Variants in HS2ST1 observed in about 807,000 individuals in gnomAD.
HS2ST1 encodes the protein 2-O-sulfotransferase.
HS2ST1 carries 18 observed loss-of-function variants against 42.9 expected under a neutral mutation model. The observed-to-expected ratio is 0.42, with a 90% CI of 0.29 to 0.62. The LOEUF is 0.62. Among genes scored for constraint, HS2ST1 ranks in the 20% least tolerant of loss-of-function variants. The pLI is 0.21. For missense variants in HS2ST1, 334 were observed against 433.8 expected, an observed-to-expected ratio of 0.77 and a Z score of 2.04; for synonymous variants, 146 against 152.9, an observed-to-expected ratio of 0.95 and a Z score of 0.33.
intron 1 of HS2ST1, among the ~76,000 whole-genome samples, chr1:87,015,172 C>G (rs1381881042): frequency 6.6e-6 from 1 of 152,036 alleles, no homozygotes; most frequent in Non-Finnish European, 1.5e-5. Context: ...CTTCAGCCTC[C>G]CGAGTAGCTG....
At chr1:87,015,976 C>A (rs1315215019) in intron 1 of HS2ST1, among the ~76,000 whole-genome samples, 2 of 151,842 alleles carry the variant, frequency 1.3e-5, no homozygotes, top group Non-Finnish European at 2.9e-5. Flanking sequence ...ACCACCACGC[C>A]CTGATAATTT....
intron 2 of HS2ST1, among the ~76,000 whole-genome samples, chr1:87,082,111 C>T (rs1417937419): frequency 1.3e-5 from 2 of 152,070 alleles, no homozygotes; most frequent in Non-Finnish European, 2.9e-5. Flanking sequence ...TTAGAGGCTA[C>T]TATGAGCAAC....
chr1:86,937,105 CA>C (rs568694968), intron 1 of HS2ST1, among the ~76,000 whole-genome samples: 3 of 146,394 alleles, frequency 2.0e-5, no homozygotes, highest in Admixed American at 6.8e-5. Context: ...ACTCTGTCTC[CA>C]AAAAAAAACA....
At chr1:87,036,740 A>C (rs188910125) in intron 1 of HS2ST1, among the ~76,000 whole-genome samples, 1 of 152,274 alleles carries the variant, frequency 6.6e-6, no homozygotes, top group East Asian at 1.9e-4. Context: ...CAGGATGACA[A>C]TGTCAACATT....
Position 86,976,299 on chromosome 1 carries a change from A to G in HS2ST1, c.124+61139A>G, listed in dbSNP as rs72949800. 2.1e-3 allele frequency among the ~76,000 whole-genome samples: 326 copies of G among 152,344 alleles called. 1 individual carries two copies. The highest frequency in any genetic ancestry group is 7.2e-3 in the African/African-American group (299 of 41,590). ...GTTTAGAATTTTTAAAGTTGTTGCC[A>G]TGGCAAAGTAACTTGCTATTTCATC... is the stretch of plus-strand genomic sequence containing the variant. On this transcript the variant is annotated intron_variant, in intron 1 of 6. Transcript: ENST00000370550.
intron 2 of HS2ST1, among the ~76,000 whole-genome samples, chr1:87,078,636 A>G (rs1283554998): frequency 1.3e-5 from 2 of 152,176 alleles, no homozygotes; most frequent in African/African-American, 4.8e-5. Context: ...TTCAATTGAT[A>G]CTATTAAGTT....
At chr1:87,019,904 A>C (rs979651821) in intron 1 of HS2ST1, among the ~76,000 whole-genome samples, 7 of 152,306 alleles carry the variant, frequency 4.6e-5, no homozygotes, top group African/African-American at 1.4e-4. Context: ...AACAATAAAA[A>C]CTTTTTCTGA....
At chr1:86,981,794 A>G (rs575421707) in intron 1 of HS2ST1, among the ~76,000 whole-genome samples, 1 of 152,262 alleles carries the variant, frequency 6.6e-6, no homozygotes, top group Non-Finnish European at 1.5e-5. Flanking sequence ...AGTGCAAGCT[A>G]TTGGTGGACC....
intron 1 of HS2ST1, among the ~76,000 whole-genome samples, chr1:87,030,709 A>G (rs899097707): frequency 1.3e-5 from 2 of 152,192 alleles, no homozygotes; most frequent in Non-Finnish European, 2.9e-5. Flanking sequence ...GTTTAGCCAT[A>G]TAATGCTTTC....
intron 1 of HS2ST1, among the ~76,000 whole-genome samples, chr1:87,019,198 A>C (rs1312886370): frequency 6.6e-6 from 1 of 152,248 alleles, no homozygotes; most frequent in Non-Finnish European, 1.5e-5. Flanking sequence ...ATCACTGTAT[A>C]GTACTTTGCA....
chr1:86,934,579 T>G (rs1231491819), intron 1 of HS2ST1: 1 of 152,294 alleles, frequency 6.6e-6, no homozygotes, highest in Non-Finnish European at 1.5e-5. Context: ...TCTCTCCAGT[T>G]TTGGGAGCAG....
At chr1:87,039,401 ATCTTT>A (rs1650466763) in intron 1 of HS2ST1, among the ~76,000 whole-genome samples, 1 of 152,152 alleles carries the variant, frequency 6.6e-6, no homozygotes, top group African/African-American at 2.4e-5. Flanking sequence ...GCCTCTGCTT[ATCTTT>A]TCTTCCTCTC....
At chr1:86,928,806 T>C (rs546211877) in intron 1 of HS2ST1, among the ~76,000 whole-genome samples, 30 of 152,152 alleles carry the variant, frequency 2.0e-4, no homozygotes, top group Non-Finnish European at 3.8e-4. Flanking sequence ...GATGATATTT[T>C]AGTGTCTTGA....
At chr1:86,953,567 C>T (rs1647585716) in intron 1 of HS2ST1, among the ~76,000 whole-genome samples, 1 of 152,128 alleles carries the variant, frequency 6.6e-6, no homozygotes, top group Non-Finnish European at 1.5e-5. Context: ...TGTGACCAGC[C>T]TGGCCAACAT....
At chr1:87,044,893 T>C in intron 1 of HS2ST1, 1 of 1,322,278 alleles carries the variant, frequency 7.6e-7, no homozygotes, top group Non-Finnish European at 1.0e-6. Context: ...CTAGATAAAC[T>C]AAGTAGTAAG....
At chr1:87,095,317 T>C (rs944467710) in intron 4 of HS2ST1, among the ~76,000 whole-genome samples, 1 of 152,170 alleles carries the variant, frequency 6.6e-6, no homozygotes, top group Non-Finnish European at 1.5e-5. Context: ...TCTATAAAAT[T>C]CTAGATTCTT....
At chr1:87,069,042 T>C (rs547116235) in intron 1 of HS2ST1, among the ~76,000 whole-genome samples, 1 of 152,212 alleles carries the variant, frequency 6.6e-6, no homozygotes, top group East Asian at 1.9e-4. Context: ...GGGAAATAGA[T>C]TATCACAAAC....
chr1:87,060,662 AT>A (rs1169684200), intron 1 of HS2ST1, among the ~76,000 whole-genome samples: 1 of 152,138 alleles, frequency 6.6e-6, no homozygotes, highest in Non-Finnish European at 1.5e-5. Context: ...TACCAATACT[AT>A]TTTTTCATGT....
intron 1 of HS2ST1, among the ~76,000 whole-genome samples, chr1:87,010,841 A>G (rs1649579871): frequency 6.6e-6 from 1 of 152,122 alleles, no homozygotes; most frequent in African/African-American, 2.4e-5. Context: ...GCTGGAGTGC[A>G]GTGGCATGAT....
Sources: allele counts gnomAD v4.1 joint callset (sites outside exome capture counted in the v4.1 genomes callset), GRCh38; gene constraint gnomAD v4.1.1; transcripts MANE v1.5; gene names NCBI Gene and HGNC (gene_info 2026-07-23, HGNC 2026-07-21).